Variants in CD6 observed in about 807,000 individuals in gnomAD.
CD6 encodes T-cell differentiation antigen CD6.
In CD6, 53 loss-of-function variants were observed where a neutral mutation model predicts 75.3. The ratio of observed to expected loss-of-function variants is 0.70; its 90% confidence interval spans 0.56 to 0.88. The LOEUF (loss-of-function observed/expected upper bound fraction) is 0.88. Ranked by LOEUF, CD6 falls within the 40% of genes least tolerant of loss-of-function variation. The probability of loss-of-function intolerance (pLI) is 0.00; values close to 1 mark genes in which losing one functional copy is unlikely to be tolerated. For synonymous variants in CD6, 359 were observed against 381.5 expected (o/e 0.94, Z 0.69); for missense variants, 770 against 897.1 (o/e 0.86, Z 1.81).
In CD6 at chr11:61,007,283, T is replaced by C. The variant is rs998607243; in HGVS notation, c.119-277T>C. ...TGGAGACAGGAGCAAGTGAGGAGGGTTTCTAGGGGGCTGGACCCCTAGTTG... is the reference window on the plus strand; with the variant it reads ...TGGAGACAGGAGCAAGTGAGGAGGGCTTCTAGGGGGCTGGACCCCTAGTTG... On this transcript the variant is annotated intron_variant, in intron 2 of 12. Transcript: ENST00000313421. This position sits in a 1 kb window ranked among gnomAD's most constrained non-coding sequence, Gnocchi z 4.2. Among the ~76,000 whole-genome samples, 5 of 152,004 alleles carry C rather than the reference T, an allele frequency of 3.3e-5. No homozygotes were observed. The highest frequency in any genetic ancestry group is 5.9e-5 in the Non-Finnish European group (4 of 67,956).
chr11:60,983,281 G>A (rs1857658478), intron 1 of CD6, among the ~76,000 whole-genome samples: 1 of 151,888 alleles, frequency 6.6e-6, no homozygotes, highest in Non-Finnish European at 1.5e-5. Flanking sequence ...TAGTAGAGAC[G>A]GGGTTTCACC....
At chr11:61,008,458 G>C in intron 3 of CD6, 76 bp from the exon 4 acceptor site, 1 of 1,369,922 alleles carries the variant, frequency 7.3e-7, no homozygotes, top group Non-Finnish European at 9.8e-7. Context: ...ACAACTCTCC[G>C]GCCAGTCCAA....
chr11:61,007,480 C>G lies in CD6; in HGVS notation c.119-80C>G, dbSNP rs183778810. 5.3e-6 allele frequency: 6 copies of G among 1,129,304 alleles called. No homozygotes were observed. Among genetic ancestry groups the G allele is most frequent in the African/African-American group, 1.6e-5 (1 of 60,636 alleles). The allele number at this position is 1,129,304 out of a possible 1,614,324, so 70.0% of individuals were successfully genotyped here. Reference sequence around the variant, plus strand: ...CCAGGCAGGGCGTTGTCAAAGTTCACGCACAGAGTCAGTGGCAGAGCCTGG... The same window carrying G: ...CCAGGCAGGGCGTTGTCAAAGTTCAGGCACAGAGTCAGTGGCAGAGCCTGG... On this transcript the variant is annotated intron_variant, in intron 2 of 12. Coordinates refer to ENST00000313421, the MANE Select transcript of CD6 (RefSeq NM_006725.5). The surrounding 1 kb of genome is among the most constrained non-coding windows in gnomAD (Gnocchi z 4.2).
In CD6 at chr11:61,018,298, C is replaced by G. The variant is rs761077030; in HGVS notation, c.1847C>G (p.Pro616Arg). 5 of 1,600,746 alleles carry G rather than the reference C, an allele frequency of 3.1e-6. No homozygotes were observed. Among genetic ancestry groups the G allele is most frequent in the Non-Finnish European group, 4.3e-6 (5 of 1,173,914 alleles). The change falls in exon 12 of 13, where the codon CCG becomes CGG. Residue 616 changes from proline (P) to arginine (R), a missense_variant. Coordinates refer to ENST00000313421, the MANE Select transcript of CD6 (RefSeq NM_006725.5). ...TTCTGGGGGTTTCCAGCAGGGCCCC[C>G]GGCTGATGACAGCTCCAGCACCTCA... Reference protein sequence around the residue: ...GTQPAFSAGPPADDSSSTSSG... With the variant: ...GTQPAFSAGPRADDSSSTSSG...
At chr11:61,010,010 C>CCTT in intron 5 of CD6, 136 bp downstream of exon 5, 2 of 798,002 alleles carry the variant, frequency 2.5e-6, no homozygotes, top group Non-Finnish European at 3.8e-6. Context: ...GGACTGTTGT[C>CCTT]CTTACGGTGC....
rs188163975 is a variant in CD6, at chr11:60,973,779, G to A, written c.49+1865G>A. ...GCAGGGAATAATTTCCTCACTCTGC[G>A]ATTTCAGAGCATTAAACGCGGCTTC... On this transcript the variant is annotated intron_variant, in intron 1 of 12. Coordinates refer to ENST00000313421, the MANE Select transcript of CD6 (RefSeq NM_006725.5). Among the ~76,000 whole-genome samples, 295 of 152,256 alleles carry A rather than the reference G, an allele frequency of 1.9e-3. 3 individuals are homozygous for A. Among genetic ancestry groups the A allele is most frequent in the African/African-American group, 5.7e-3 (238 of 41,544 alleles).
chr11:61,000,663 T>C (rs547790699), intron 1 of CD6, among the ~76,000 whole-genome samples: 1 of 152,346 alleles, frequency 6.6e-6, no homozygotes, highest in Admixed American at 6.5e-5. Flanking sequence ...TCGATGTCTA[T>C]GCCTCCTTTC....
At chr11:61,011,202 T>TGTGTGTGTGTGTGA in intron 6 of CD6, 67 bp downstream of exon 6, 1 of 1,334,540 alleles carries the variant, frequency 7.5e-7, no homozygotes. Context: ...TGTGTGTGTG[T>TGTGTGTGTGTGTGA]GTTCCTGTGC....
chr11:61,000,065 A>G (rs1034279547), intron 1 of CD6, among the ~76,000 whole-genome samples: 2 of 151,806 alleles, frequency 1.3e-5, no homozygotes. Flanking sequence ...GGCAAAATAA[A>G]AATAAAAATA....
intron 7 of CD6, 66 bp from the exon 8 acceptor site, chr11:61,013,853 C>T (rs753195993): frequency 3.1e-5 from 36 of 1,152,914 alleles, no homozygotes; most frequent in Admixed American, 1.9e-4. Context: ...GAGAACAGAA[C>T]GGAACCAGGT....
At chr11:60,993,385 G>A (rs1858145817) in intron 1 of CD6, among the ~76,000 whole-genome samples, 2 of 151,810 alleles carry the variant, frequency 1.3e-5, no homozygotes, top group African/African-American at 2.4e-5. Context: ...GCCTGGTATG[G>A]AATGTAGAAT....
chr11:61,003,231 T>C (rs1858681523), intron 1 of CD6, among the ~76,000 whole-genome samples: 2 of 152,110 alleles, frequency 1.3e-5, no homozygotes, highest in South Asian at 2.1e-4. Flanking sequence ...TCCCAAAGTG[T>C]TGGGCTTACA....
intron 4 of CD6, 117 bp downstream of exon 4, chr11:61,008,962 T>G: frequency 1.2e-6 from 1 of 860,402 alleles, no homozygotes; most frequent in Non-Finnish European, 1.7e-6. Context: ...ATGTCACAGT[T>G]CAGGAGGGGA....
At chr11:61,005,464 C>G (rs1251623021) in intron 1 of CD6, among the ~76,000 whole-genome samples, 3 of 152,188 alleles carry the variant, frequency 2.0e-5, no homozygotes, top group African/African-American at 7.2e-5. Context: ...CCATAAGGCC[C>G]AGGAAGACAG....
At chr11:61,010,039 T>C (rs182578415) in intron 5 of CD6, among the ~76,000 whole-genome samples, 165 bp downstream of exon 5, 92 of 152,340 alleles carry the variant, frequency 6.0e-4, no homozygotes, top group African/African-American at 2.1e-3. Context: ...ACAGTGCTAA[T>C]TCATCGAGGT....
rs1464757489 is a variant in CD6 at position 60,977,991 on chromosome 11, G to C, written c.49+6077G>C. On this transcript the variant is annotated intron_variant, in intron 1 of 12. Transcript: ENST00000313421. ...TTTGCTGCTTTCCCTTTCCTCAAAA[G>C]GGAGGGCTGTAGATGTCAGAGAGAC... 7.2e-5 allele frequency among the ~76,000 whole-genome samples: 11 copies of C among 152,288 alleles called. No homozygotes were observed. The East Asian group carries it at 1.5e-3, about 21-fold the overall frequency.
At position 61,019,666 on chromosome 11, in the gene CD6, T is replaced by G; in HGVS notation, c.*348T>G. 1 of 262,706 alleles carries G rather than the reference T, an allele frequency of 3.8e-6. No homozygotes were observed. Among genetic ancestry groups the G allele is most frequent in the Non-Finnish European group, 7.2e-6 (1 of 139,474 alleles). 16.3% of individuals were successfully genotyped at this position (262,706 alleles called of 1,614,324 possible). ...TGGACTGGATGACTCTGGAGGCCCC[T>G]TCCAAACCTCAAGTGTCCGGCGCTT... On this transcript the variant is annotated 3_prime_UTR_variant, in exon 13 of 13. Coordinates refer to ENST00000313421, the MANE Select transcript of CD6 (RefSeq NM_006725.5).
chr11:61,015,819 C>T lies in CD6; in HGVS notation c.1494C>T (p.Ala498=). The T allele has an allele frequency of 6.2e-7, 1 of 1,614,144 alleles. No individual in the cohort carries two copies. Residue 498 remains alanine (A), a synonymous_variant, in exon 9 of 13, where the codon GCC becomes GCT. Coordinates refer to ENST00000313421, the MANE Select transcript of CD6 (RefSeq NM_006725.5). ...ACTTCAGCGCCCAGCCTCCTGTGGC[C>T]CTGACCACCTTCTACAGTGAGTGCC... is the stretch of plus-strand genomic sequence containing the variant. The part of the protein sequence containing the change: ...HYDFSAQPPV[A]LTTFYNSQRH...
chr11:61,013,867 C>G (rs1215171346), intron 7 of CD6, 52 bp from the exon 8 acceptor site: 2 of 1,327,318 alleles, frequency 1.5e-6, no homozygotes. Flanking sequence ...ACCAGGTAGA[C>G]TGGGAGAGGG....
Sources: gnomAD v4.1 joint callset for allele counts (sites outside exome capture counted in the v4.1 genomes callset) on GRCh38, gnomAD v4.1.1 for gene constraint, Gnocchi (gnomAD v3.1) non-coding constraint, MANE v1.5 for transcripts, NCBI Gene and HGNC (gene_info 2026-07-23, HGNC 2026-07-21) for gene names.